DCC: variants seen among roughly 807,000 people sequenced by gnomAD.
DCC encodes the protein DCC netrin 1 receptor.
In DCC, 58 loss-of-function variants were observed where a neutral mutation model predicts 172.5. The observed-to-expected ratio is 0.34, with a 90% CI of 0.27 to 0.42. DCC has a LOEUF of 0.42. Among genes scored for constraint, DCC ranks in the 10% least tolerant of loss-of-function variants. The pLI is 1.00. For missense variants in DCC, 1,740 were observed against 1,791.0 expected (o/e 0.97, Z 0.51); for synonymous variants, 709 against 644.5 (o/e 1.10, Z -1.52).
intron 1 of DCC, among the ~76,000 whole-genome samples, chr18:52,517,273 A>G (rs188237544): frequency 2.0e-4 from 31 of 152,332 alleles, no homozygotes; most frequent in African/African-American, 6.3e-4. Flanking sequence ...ACACTAAAGG[A>G]TCTTTCTCGA....
intron 8 of DCC, among the ~76,000 whole-genome samples, chr18:53,166,778 A>G (rs968762517): frequency 1.3e-5 from 2 of 152,186 alleles, no homozygotes; most frequent in Non-Finnish European, 2.9e-5. Flanking sequence ...AGGTAAACAA[A>G]AAAGAGACAT....
At chr18:53,471,883 A>G (rs1041748881) in intron 25 of DCC, among the ~76,000 whole-genome samples, 4 of 151,276 alleles carry the variant, frequency 2.6e-5, no homozygotes, top group African/African-American at 7.3e-5. Flanking sequence ...ACACTATTCT[A>G]TTTGTGGTTT....
chr18:52,856,639 A>AAAAAAG (rs1341407070), intron 2 of DCC, among the ~76,000 whole-genome samples: 1 of 150,358 alleles, frequency 6.7e-6, no homozygotes, highest in African/African-American at 2.5e-5. Flanking sequence ...AAAAAAAAAA[A>AAAAAAG]AAAAGAAAAC....
At chr18:52,950,233 C>T (rs539364402) in intron 5 of DCC, among the ~76,000 whole-genome samples, 1 of 152,258 alleles carries the variant, frequency 6.6e-6, no homozygotes, top group South Asian at 2.1e-4. Flanking sequence ...TCCACAGAAA[C>T]CTGAATTTCC....
chr18:53,525,240 C>T (rs894927496), intron 27 of DCC, among the ~76,000 whole-genome samples: 1 of 152,078 alleles, frequency 6.6e-6, no homozygotes, highest in Non-Finnish European at 1.5e-5. Flanking sequence ...CAAATTTTCC[C>T]TCACCATGTT....
chr18:53,141,875 G>T (rs2043835528), intron 7 of DCC, among the ~76,000 whole-genome samples: 1 of 152,082 alleles, frequency 6.6e-6, no homozygotes, highest in Non-Finnish European at 1.5e-5. Context: ...ACTGTGACCA[G>T]TCTTTCTCAG....
intron 2 of DCC, among the ~76,000 whole-genome samples, chr18:52,816,426 A>G (rs2038297783): frequency 6.6e-6 from 1 of 152,202 alleles, no homozygotes; most frequent in African/African-American, 2.4e-5. Context: ...CTGCTTTCCA[A>G]AGAAGTCCTT....
chr18:53,152,981 T>A (rs1444677502), intron 7 of DCC, among the ~76,000 whole-genome samples: 1 of 152,140 alleles, frequency 6.6e-6, no homozygotes, highest in Non-Finnish European at 1.5e-5. Context: ...CCCTGAAGCC[T>A]AAGGAGAAAA....
rs112866630 is a variant in DCC at position 53,078,616 on chromosome 18, T to G, written c.1261+12450T>G. On this transcript the variant is annotated intron_variant, in intron 7 of 28. Coordinates refer to ENST00000442544, the MANE Select transcript of DCC (RefSeq NM_005215.4). ...GTTAAAAAAAAGAGAAATAATATTTTTTTATTTAAAGTATCTATTCAGAGT... is the reference window on the plus strand; with the variant it reads ...GTTAAAAAAAAGAGAAATAATATTTGTTTATTTAAAGTATCTATTCAGAGT... Among the ~76,000 whole-genome samples the G allele has an allele frequency of 9.1e-3, 1,381 of 152,280 alleles. 23 individuals are homozygous for G. The highest frequency in any genetic ancestry group is 0.031 in the African/African-American group (1,293 of 41,564).
chr18:53,123,945 A>G (rs2043519112), intron 7 of DCC, among the ~76,000 whole-genome samples: 1 of 152,078 alleles, frequency 6.6e-6, no homozygotes, highest in East Asian at 1.9e-4. Context: ...AGTGAGGCAC[A>G]TCAGGAACAT....
At chr18:52,626,575 T>C (rs2034577662) in intron 1 of DCC, among the ~76,000 whole-genome samples, 1 of 152,156 alleles carries the variant, frequency 6.6e-6, no homozygotes, top group African/African-American at 2.4e-5. Flanking sequence ...ACATGATAGC[T>C]AAAGTCCTAG....
At chr18:52,714,369 G>A (rs909329170) in intron 1 of DCC, among the ~76,000 whole-genome samples, 5 of 152,130 alleles carry the variant, frequency 3.3e-5, no homozygotes, top group Admixed American at 3.3e-4. Context: ...ATAAAACTCA[G>A]CCAAACAGAC....
At chr18:52,575,048 T>C in intron 1 of DCC, among the ~76,000 whole-genome samples, 1 of 152,168 alleles carries the variant, frequency 6.6e-6, no homozygotes, top group East Asian at 1.9e-4. Context: ...GGGGTTTTTA[T>C]AAGGATTAAG....
intron 1 of DCC, among the ~76,000 whole-genome samples, chr18:52,393,828 C>A (rs1986117673): frequency 1.3e-5 from 2 of 152,140 alleles, no homozygotes; most frequent in African/African-American, 4.8e-5. Flanking sequence ...AGGCCAATTA[C>A]CTAGATTCTA....
intron 2 of DCC, among the ~76,000 whole-genome samples, chr18:52,832,151 A>G (rs1230083651): frequency 2.0e-5 from 3 of 152,232 alleles, no homozygotes; most frequent in South Asian, 2.1e-4. Flanking sequence ...AAAAGGGAAT[A>G]GGTTTTCCTT....
At chr18:53,361,139 G>T (rs1443984110) in intron 15 of DCC, among the ~76,000 whole-genome samples, 1 of 152,130 alleles carries the variant, frequency 6.6e-6, no homozygotes, top group Admixed American at 6.5e-5. Flanking sequence ...ACACAGAGAT[G>T]GGAATGATAC....
At chr18:53,177,321 A>T (rs992483176) in intron 8 of DCC, among the ~76,000 whole-genome samples, 1 of 152,150 alleles carries the variant, frequency 6.6e-6, no homozygotes, top group African/African-American at 2.4e-5. Flanking sequence ...CCTAAAACTT[A>T]AAGTATAATA....
intron 2 of DCC, among the ~76,000 whole-genome samples, chr18:52,756,198 G>T (rs1446806073): frequency 6.6e-6 from 1 of 151,992 alleles, no homozygotes; most frequent in African/African-American, 2.4e-5. Context: ...GTGTTTCTGT[G>T]CCATGTATAC....
intron 2 of DCC, among the ~76,000 whole-genome samples, chr18:52,763,416 G>A (rs1460558750): frequency 3.9e-5 from 6 of 152,182 alleles, no homozygotes; most frequent in East Asian, 1.9e-4. Flanking sequence ...GAAGGCACAG[G>A]TTCCAGGAGC....
Sources: allele counts gnomAD v4.1 joint callset (sites outside exome capture counted in the v4.1 genomes callset), GRCh38; gene constraint gnomAD v4.1.1; transcripts MANE v1.5; gene names NCBI Gene and HGNC (gene_info 2026-07-23, HGNC 2026-07-21).